Variants in FSTL4 observed in about 807,000 individuals in gnomAD.
FSTL4 encodes the protein follistatin-related protein 4.
In FSTL4, 28 loss-of-function variants were observed where a neutral mutation model predicts 78.2. The observed-to-expected ratio is 0.36, with a 90% confidence interval of 0.27 to 0.49. The LOEUF is 0.49. Among genes scored for constraint, FSTL4 ranks in the 20% least tolerant of loss-of-function variants. The probability of loss-of-function intolerance (pLI) is 0.98; values close to 1 mark genes in which losing one functional copy is unlikely to be tolerated. For missense variants in FSTL4, 922 were observed against 1,084.9 expected (o/e 0.85, Z 2.11); for synonymous variants, 422 against 440.5 (o/e 0.96, Z 0.53).
At chr5:133,336,397 A>G (rs547069333) in intron 4 of FSTL4, among the ~76,000 whole-genome samples, 2 of 152,354 alleles carry the variant, frequency 1.3e-5, no homozygotes, top group Non-Finnish European at 1.5e-5. Flanking sequence ...GCCCCAGGAC[A>G]TGAGAAGATG....
chr5:133,370,223 C>T (rs1203105855), intron 4 of FSTL4, among the ~76,000 whole-genome samples: 1 of 152,122 alleles, frequency 6.6e-6, no homozygotes, highest in Non-Finnish European at 1.5e-5. Flanking sequence ...ATGATTTCTG[C>T]CCAGAGTTCT....
intron 2 of FSTL4, among the ~76,000 whole-genome samples, chr5:133,574,564 C>A (rs1348468196): frequency 6.6e-6 from 1 of 152,206 alleles, no homozygotes; most frequent in Non-Finnish European, 1.5e-5. Context: ...ATTGTGACAT[C>A]TATGTTCCTG....
intron 1 of FSTL4, among the ~76,000 whole-genome samples, chr5:133,606,165 C>A (rs115221870): frequency 8.5e-5 from 13 of 152,180 alleles, no homozygotes; most frequent in African/African-American, 3.1e-4. Context: ...TTGTAGCCTG[C>A]GCTGGAGTTC....
Position 133,225,023 on chromosome 5 carries a change from A to G in FSTL4, c.1312+127T>C, listed in dbSNP as rs1751280667. ...ATTCCAGCTTTATGCAAAGAGGGAT[A>G]TGAGGCTTACCCCTGTCTTCACGGG... On this transcript the variant is annotated intron_variant, in intron 10 of 15. Transcript: ENST00000265342. The surrounding 1 kb of genome is among the most constrained non-coding windows in gnomAD (Gnocchi z 4.6). 2 of 1,091,964 alleles carry G rather than the reference A, an allele frequency of 1.8e-6. No individual in the cohort carries two copies. Among genetic ancestry groups the G allele is most frequent in the Non-Finnish European group, 1.4e-6 (1 of 736,524 alleles). 67.6% of individuals were successfully genotyped at this position (1,091,964 alleles called of 1,614,324 possible).
At chr5:133,279,185 A>G (rs1189587122) in intron 6 of FSTL4, among the ~76,000 whole-genome samples, 1 of 152,220 alleles carries the variant, frequency 6.6e-6, no homozygotes. Context: ...TGGATGGTCC[A>G]TGGCCTGTTA....
the FSTL4 span, among the ~76,000 whole-genome samples, chr5:133,644,174 G>A: frequency 2.0e-5 from 3 of 152,176 alleles, no homozygotes; most frequent in Non-Finnish European, 4.4e-5. Context: ...GAGGAGATGC[G>A]TAATCTGTGC....
At chr5:133,415,736 A>G (rs1756568477) in intron 3 of FSTL4, among the ~76,000 whole-genome samples, 1 of 152,180 alleles carries the variant, frequency 6.6e-6, no homozygotes, top group Non-Finnish European at 1.5e-5. Flanking sequence ...GTGGTGCGGC[A>G]GCGTGGCAGG....
intron 7 of FSTL4, among the ~76,000 whole-genome samples, chr5:133,245,593 G>A (rs1581565336): frequency 6.6e-6 from 1 of 152,226 alleles, no homozygotes; most frequent in Admixed American, 6.5e-5. Context: ...AGTTGTTAGT[G>A]GTTACTTCGC....
chr5:133,472,542 T>C (rs1757846148), intron 3 of FSTL4, among the ~76,000 whole-genome samples: 1 of 152,174 alleles, frequency 6.6e-6, no homozygotes, highest in Non-Finnish European at 1.5e-5. Flanking sequence ...AGGCAATTGA[T>C]GGAGGGTAAA....
intron 6 of FSTL4, among the ~76,000 whole-genome samples, chr5:133,285,261 C>G (rs980929882): frequency 6.6e-6 from 1 of 152,154 alleles, no homozygotes; most frequent in East Asian, 1.9e-4. Flanking sequence ...AGAAGAGAAG[C>G]GAGAAGACAA....
chr5:133,378,416 T>C (rs1755491687), intron 4 of FSTL4, among the ~76,000 whole-genome samples: 1 of 152,140 alleles, frequency 6.6e-6, no homozygotes, highest in African/African-American at 2.4e-5. Context: ...GGAAATGATA[T>C]CAAATGATAA....
chr5:133,703,050 G>A, the FSTL4 span, among the ~76,000 whole-genome samples: 56 of 152,348 alleles, frequency 3.7e-4, no homozygotes, highest in East Asian at 0.011. Flanking sequence ...CTACTGTGGG[G>A]AGCACAAGAG....
chr5:133,744,444 G>C, the FSTL4 span, among the ~76,000 whole-genome samples: 660 of 152,260 alleles, frequency 4.3e-3, 6 homozygotes, highest in African/African-American at 0.015. Flanking sequence ...CCCCCGCTGT[G>C]CCGCATGGTG....
intron 3 of FSTL4, among the ~76,000 whole-genome samples, chr5:133,522,058 C>T (rs1758992239): frequency 6.6e-6 from 1 of 152,112 alleles, no homozygotes; most frequent in African/African-American, 2.4e-5. Flanking sequence ...TATAGATCCC[C>T]AGGCCCTCAG....
intron 4 of FSTL4, among the ~76,000 whole-genome samples, chr5:133,367,697 G>T (rs1467812530): frequency 2.0e-5 from 3 of 152,180 alleles, no homozygotes; most frequent in African/African-American, 4.8e-5. Context: ...GCAAGGAAGC[G>T]GGTTTCCCTG....
At chr5:133,643,925 T>C in the FSTL4 span, among the ~76,000 whole-genome samples, 2 of 151,176 alleles carry the variant, frequency 1.3e-5, no homozygotes, top group Non-Finnish European at 2.9e-5. Flanking sequence ...GACATAAGGA[T>C]GGGATGAAAC....
chr5:133,249,551 G>C lies in FSTL4; in HGVS notation c.753C>G (p.Pro251=), dbSNP rs745863811. 1 of 1,613,000 alleles carries C rather than the reference G, an allele frequency of 6.2e-7. No homozygotes were observed. Among genetic ancestry groups the C allele is most frequent in the South Asian group, 1.1e-5 (1 of 91,046 alleles). ...CTGTGGTCACACTGACCCTGTCCTC[G>C]GGGGCGAGGCTGAGCTGAACCACTT... The part of the protein sequence containing the change: ...AFQVVQLSLA[P]EDRVSVTTVT... The change falls in exon 7 of 16, where the codon CCC becomes CCG. Residue 251 remains proline (P), a synonymous_variant. Coordinates refer to ENST00000265342, the MANE Select transcript of FSTL4 (RefSeq NM_015082.2).
chr5:133,348,262 A>G (rs1001638510), intron 4 of FSTL4, among the ~76,000 whole-genome samples: 6 of 152,214 alleles, frequency 3.9e-5, no homozygotes, highest in Admixed American at 1.3e-4. Flanking sequence ...AAGCTGCAAA[A>G]TCTTAGCTTT....
At chr5:133,679,382 C>G in the FSTL4 span, among the ~76,000 whole-genome samples, 2 of 152,154 alleles carry the variant, frequency 1.3e-5, no homozygotes, top group Non-Finnish European at 2.9e-5. Context: ...TTGAAAGAAA[C>G]CTTTCTGTGG....
Sources: allele counts gnomAD v4.1 joint callset (sites outside exome capture counted in the v4.1 genomes callset), GRCh38; gene constraint gnomAD v4.1.1; non-coding constraint Gnocchi (gnomAD v3.1); transcripts MANE v1.5; gene names NCBI Gene and HGNC (gene_info 2026-07-23, HGNC 2026-07-21).